CENPO: variants seen among roughly 807,000 people sequenced by gnomAD.
The protein encoded by CENPO is centromeric protein O.
In CENPO, 30 loss-of-function variants were observed where a neutral mutation model predicts 36.1. The observed-to-expected ratio is 0.83, with a 90% CI of 0.62 to 1.13. CENPO has a LOEUF of 1.13. Among genes scored for constraint, CENPO ranks in the 50% most tolerant of loss-of-function variants. The probability of loss-of-function intolerance (pLI) is 0.00; values close to 1 mark genes in which losing one functional copy is unlikely to be tolerated. For missense variants in CENPO, 349 were observed against 357.8 expected (o/e 0.98, Z 0.20); for synonymous variants, 171 against 142.3 (o/e 1.20, Z -1.44).
At position 24,820,047 on chromosome 2, in the gene CENPO, A is replaced by G. The variant is rs1349490900; in HGVS notation, c.*729A>G. On this transcript the variant is annotated 3_prime_UTR_variant, in exon 8 of 8. Coordinates refer to ENST00000380834, the MANE Select transcript of CENPO (RefSeq NM_001322101.2). ...CAGCAGCTCCCCCTTCCCCTTCACA[A>G]AGATGGGGCCTCGCCTCACAAAGCG... The G allele has an allele frequency of 1.2e-6, 2 of 1,606,256 alleles. No homozygotes were observed. Among genetic ancestry groups the G allele is most frequent in the Admixed American group, 1.7e-5 (1 of 58,762 alleles).
chr2:24,798,433 G>C (rs1400665209), intron 2 of CENPO, among the ~76,000 whole-genome samples: 2 of 152,036 alleles, frequency 1.3e-5, no homozygotes, highest in African/African-American at 4.8e-5. Flanking sequence ...GGATAATTCT[G>C]CATATAGTGC....
intron 3 of CENPO, among the ~76,000 whole-genome samples, chr2:24,811,093 A>AC (rs1666655180): frequency 6.7e-6 from 1 of 150,052 alleles, no homozygotes; most frequent in Admixed American, 6.7e-5. Context: ...ACAGACGTGC[A>AC]CCACCACGCC....
intron 3 of CENPO, among the ~76,000 whole-genome samples, chr2:24,811,383 C>T (rs750162331): frequency 6.9e-6 from 1 of 144,862 alleles, no homozygotes; most frequent in Non-Finnish European, 1.5e-5. Flanking sequence ...CTGATTCAAG[C>T]GATTCTCCTG....
chr2:24,818,685 C>G (rs372353879), intron 7 of CENPO, among the ~76,000 whole-genome samples: 2 of 152,184 alleles, frequency 1.3e-5, no homozygotes, highest in Admixed American at 1.3e-4. Context: ...CAGGGGGACT[C>G]AGGCGCCCCC....
At chr2:24,818,334 A>G (rs1443837948) in intron 7 of CENPO, among the ~76,000 whole-genome samples, 1 of 152,242 alleles carries the variant, frequency 6.6e-6, no homozygotes, top group African/African-American at 2.4e-5. Flanking sequence ...ATAAATGGAA[A>G]AATAACCCAC....
chr2:24,820,360 T>C lies in CENPO; in HGVS notation c.*1042T>C. The C allele has an allele frequency of 7.5e-7, 1 of 1,325,808 alleles. No individual in the cohort carries two copies. Among genetic ancestry groups the C allele is most frequent in the African/African-American group, 1.5e-5 (1 of 66,360 alleles). The allele number at this position is 1,325,808 out of a possible 1,614,324, so 82.1% of individuals were successfully genotyped here. On this transcript the variant is annotated 3_prime_UTR_variant, in exon 8 of 8. Transcript: ENST00000380834. ...GACTTCTCTCCTAGGATGGCCATGG[T>C]CACCTGGGTGGCAGCACTGTTACCT...
At chr2:24,812,902 G>GTTTTTTTTTTT (rs35639594) in intron 3 of CENPO, among the ~76,000 whole-genome samples, 2 of 105,704 alleles carry the variant, frequency 1.9e-5, no homozygotes, top group Non-Finnish European at 3.8e-5. Flanking sequence ...TATGCCTGTA[G>GTTTTTTTTTTT]TTTTTTTTTT....
At chr2:24,798,866 A>G (rs900526562) in intron 2 of CENPO, among the ~76,000 whole-genome samples, 1 of 152,126 alleles carries the variant, frequency 6.6e-6, no homozygotes, top group African/African-American at 2.4e-5. Context: ...ATTCCGTCCC[A>G]AGGCAAGGAG....
intron 7 of CENPO, among the ~76,000 whole-genome samples, chr2:24,818,167 A>C (rs563755985): frequency 2.4e-4 from 36 of 152,360 alleles, no homozygotes; most frequent in Non-Finnish European, 4.3e-4. Context: ...AACTCTGGGA[A>C]AGACCAGGCA....
intron 3 of CENPO, among the ~76,000 whole-genome samples, chr2:24,808,043 TC>T (rs1218378104): frequency 6.6e-6 from 1 of 152,236 alleles, no homozygotes; most frequent in African/African-American, 2.4e-5. Context: ...ATTAGAGTCT[TC>T]CTTAGACTGT....
chr2:24,810,563 A>G (rs1270810686), intron 3 of CENPO, among the ~76,000 whole-genome samples: 1 of 142,130 alleles, frequency 7.0e-6, no homozygotes, highest in African/African-American at 2.7e-5. Context: ...GCTGGAGTGC[A>G]ATGGTGCCAT....
intron 2 of CENPO, among the ~76,000 whole-genome samples, chr2:24,799,293 C>T (rs372608688): frequency 2.6e-5 from 4 of 152,106 alleles, no homozygotes; most frequent in East Asian, 3.9e-4. Context: ...CCACCGCCCT[C>T]GGCTGTGAGA....
Position 24,820,085 on chromosome 2 carries a change from T to C in CENPO, c.*767T>C, listed in dbSNP as rs1179224714. ...GCCTCACAAAGCGGAAGCCGTACTC[T>C]CGGAGGATGACTTGGGTTTCTTCTA... is the stretch of plus-strand genomic sequence containing the variant. On this transcript the variant is annotated 3_prime_UTR_variant, in exon 8 of 8. Transcript: ENST00000380834. The C allele has an allele frequency of 1.3e-6, 2 of 1,557,152 alleles. No individual in the cohort carries two copies. Among genetic ancestry groups the C allele is most frequent in the African/African-American group, 1.4e-5 (1 of 72,214 alleles).
chr2:24,821,571 C>T lies in CENPO; in HGVS notation c.*2253C>T, dbSNP rs1667719131. On this transcript the variant is annotated 3_prime_UTR_variant, in exon 8 of 8. Transcript: ENST00000380834. Reference sequence around the variant, plus strand: ...TGGTTGTTGATGTTGGTGAGCGTATCCTTCATGGCCAGCGCGAAGTCGGCC... The same window carrying T: ...TGGTTGTTGATGTTGGTGAGCGTATTCTTCATGGCCAGCGCGAAGTCGGCC... The T allele has an allele frequency of 1.2e-6, 2 of 1,613,980 alleles. No homozygotes were observed. Among genetic ancestry groups the T allele is most frequent in the East Asian group, 4.5e-5 (2 of 44,872 alleles).
chr2:24,816,923 T>G (rs547807784), intron 6 of CENPO, 106 bp downstream of exon 6: 1 of 1,092,728 alleles, frequency 9.2e-7, no homozygotes, highest in Non-Finnish European at 1.3e-6. Context: ...ACACTTTCTC[T>G]GTTTATATAC....
chr2:24,803,129 G>A (rs1558372381), intron 3 of CENPO, among the ~76,000 whole-genome samples: 1 of 151,624 alleles, frequency 6.6e-6, no homozygotes, highest in South Asian at 2.1e-4. Flanking sequence ...GGTGTTTATA[G>A]TATTCTCTGA....
At position 24,820,329 on chromosome 2, in the gene CENPO, T is replaced by A; in HGVS notation, c.*1011T>A. 2.3e-6 allele frequency: 3 copies of A among 1,328,086 alleles called. No individual in the cohort carries two copies. Among genetic ancestry groups the A allele is most frequent in the Non-Finnish European group, 2.9e-6 (3 of 1,041,812 alleles). 82.3% of individuals were successfully genotyped at this position (1,328,086 alleles called of 1,614,324 possible). A position where few individuals can be genotyped will look rare whatever the true frequency, so the allele number is the denominator to read the frequency against. On this transcript the variant is annotated 3_prime_UTR_variant, in exon 8 of 8. Coordinates refer to ENST00000380834, the MANE Select transcript of CENPO (RefSeq NM_001322101.2). ...GTGACTGGCTGGGGGCCTCCTCTCATCCAGAGACTTCTCTCCTAGGATGGC... is the reference window on the plus strand; with the variant it reads ...GTGACTGGCTGGGGGCCTCCTCTCAACCAGAGACTTCTCTCCTAGGATGGC...
intron 3 of CENPO, among the ~76,000 whole-genome samples, chr2:24,809,013 C>A (rs1472105483): frequency 6.6e-6 from 1 of 152,002 alleles, no homozygotes; most frequent in Non-Finnish European, 1.5e-5. Flanking sequence ...ATTTCCGATC[C>A]AATTTCTTTG....
rs761944506 is a variant in CENPO, at chr2:24,817,700, A to G, written c.797A>G (p.Glu266Gly). Residue 266 changes from glutamate (E) to glycine (G), a missense_variant, in exon 7 of 8, where the codon GAG becomes GGG. By Grantham distance (98) the Glu-to-Gly change is moderately conservative. Coordinates refer to ENST00000380834, the MANE Select transcript of CENPO (RefSeq NM_001322101.2). ...GAAGTATTATCCACTTCATGGGAGG[A>G]GCAACGAGCATCTCATGAAACTCTG... ...GVEVLSTSWE[E>G]QRASHETLFC... 1 of 1,614,188 alleles carries G rather than the reference A, an allele frequency of 6.2e-7. No homozygotes were observed. Among genetic ancestry groups the G allele is most frequent in the Non-Finnish European group, 8.5e-7 (1 of 1,180,024 alleles).
Sources: gnomAD v4.1 joint callset for allele counts (sites outside exome capture counted in the v4.1 genomes callset) on GRCh38, gnomAD v4.1.1 for gene constraint, MANE v1.5 for transcripts, NCBI Gene and HGNC (gene_info 2026-07-23, HGNC 2026-07-21) for gene names.